Variants in DDX60L observed in about 807,000 individuals in gnomAD.
DDX60L encodes the protein probable ATP-dependent RNA helicase DDX60-like.
In DDX60L, 191 loss-of-function variants were observed where a neutral mutation model predicts 211.6. The ratio of observed to expected loss-of-function variants is 0.90; its 90% CI spans 0.80 to 1.02. DDX60L has a LOEUF of 1.02. Ranked by LOEUF, DDX60L falls within the 50% of genes least tolerant of loss-of-function variation. The probability of loss-of-function intolerance (pLI) is 0.00; values close to 1 mark genes in which losing one functional copy is unlikely to be tolerated. For synonymous variants in DDX60L, 706 were observed against 694.1 expected (o/e 1.02, Z -0.27); for missense variants, 2,007 against 1,984.1 (o/e 1.01, Z -0.22).
At position 168,404,048 on chromosome 4, in the gene DDX60L, A is replaced by G; in HGVS notation, c.3272T>C (p.Val1091Ala). 1 of 1,474,018 alleles carries G rather than the reference A, an allele frequency of 6.8e-7. No individual in the cohort carries two copies. The highest frequency in any genetic ancestry group is 9.1e-7 in the Non-Finnish European group (1 of 1,100,872). The allele number at this position is 1,474,018 out of a possible 1,614,324, so 91.3% of individuals were successfully genotyped here. ...PDSLSSSKDM[V>A]KMFPLLVEKL... ...TTCAACAAGAAGAGGAAACATTTTC[A>G]CCATATCTTTTGAACTAGACAATGA... is the stretch of plus-strand genomic sequence containing the variant. The change falls in exon 25 of 38, where the codon GTG becomes GCG. Residue 1091 changes from valine to alanine, a missense_variant. Transcript: ENST00000682922.
At chr4:168,467,939 GGCAGATCACCTGAGGTCCA>G (rs1164542440) in intron 4 of DDX60L, among the ~76,000 whole-genome samples, 1 of 152,190 alleles carries the variant, frequency 6.6e-6, no homozygotes, top group Admixed American at 6.5e-5. Flanking sequence ...GGCTGAAGCA[GGCAGATCACCTGAGGTCCA>G]GAGTTCAAGA....
In DDX60L at chr4:168,419,359, C is replaced by G. The variant is rs1173952098; in HGVS notation, c.2553G>C (p.Leu851Phe). The change falls in exon 19 of 38, where the codon TTG (leucine) becomes TTC (phenylalanine). Residue 851 changes from leucine to phenylalanine, a missense_variant. Leu to Phe is a conservative substitution (Grantham distance 22). Coordinates refer to ENST00000682922, the MANE Select transcript of DDX60L (RefSeq NM_001012967.3). ...ITVPECFEIL[L>F]LAPHRQKWVE... ...CCCATTTTTGGCGATGAGGAGCAAG[C>G]AACAGGATTTCAAAACATTCCGGCA... 2 of 1,597,880 alleles carry G rather than the reference C, an allele frequency of 1.3e-6. No individual in the cohort carries two copies. The highest frequency in any genetic ancestry group is 1.7e-5 in the Admixed American group (1 of 58,110).
intron 5 of DDX60L, among the ~76,000 whole-genome samples, chr4:168,458,649 G>A (rs1184862616): frequency 1.3e-5 from 2 of 152,144 alleles, no homozygotes; most frequent in East Asian, 1.9e-4. Flanking sequence ...ACTAGGGCCT[G>A]TTGGGGGAAC....
In DDX60L at chr4:168,379,847, CTTTAA is replaced by C. The variant is rs770283770; in HGVS notation, c.4117-22_4117-18del. On this transcript the variant is annotated intron_variant, in intron 30 of 37. Transcript: ENST00000682922. The stretch of plus-strand genomic sequence containing the variant: ...TGACAACACCTATAAAAGAAGAGTA[CTTTAA>C]TTTATCTAGTTTTAAACAGTATTTG... 1.4e-5 allele frequency: 21 copies of C among 1,554,988 alleles called. No homozygotes were observed. In the East Asian group the frequency reaches 2.2e-4, roughly 17 times the overall value.
At chr4:168,415,119 G>A (rs1190679395) in intron 22 of DDX60L, among the ~76,000 whole-genome samples, 1 of 151,828 alleles carries the variant, frequency 6.6e-6, no homozygotes, top group East Asian at 1.9e-4. Flanking sequence ...AAGGATAAAT[G>A]CTTGAGGTAG....
intron 4 of DDX60L, among the ~76,000 whole-genome samples, chr4:168,465,459 T>C (rs898172305): frequency 1.3e-5 from 2 of 152,178 alleles, no homozygotes; most frequent in Non-Finnish European, 1.5e-5. Flanking sequence ...CTTTACTCTG[T>C]TGATTATTTC....
intron 4 of DDX60L, among the ~76,000 whole-genome samples, chr4:168,464,329 C>T (rs1757689840): frequency 6.6e-6 from 1 of 151,734 alleles, no homozygotes; most frequent in Non-Finnish European, 1.5e-5. Context: ...TTTTCTTCAA[C>T]CACAATGGAA....
intron 35 of DDX60L, among the ~76,000 whole-genome samples, chr4:168,372,588 A>G (rs1741213577): frequency 6.6e-6 from 1 of 152,030 alleles, no homozygotes; most frequent in South Asian, 2.1e-4. Context: ...TTAGCTGGGC[A>G]TGCTGGCACG....
In DDX60L at chr4:168,457,900, T is replaced by C. The variant is rs1453851879; in HGVS notation, c.715A>G (p.Met239Val). The change falls in exon 6 of 38, where the codon ATG becomes GTG. Residue 239 changes from methionine to valine, a missense_variant. Met to Val is a conservative substitution (Grantham distance 21). Transcript: ENST00000682922. The stretch of plus-strand genomic sequence containing the variant: ...AATAAAAATTTTAATACCTCTTCCA[T>C]CATATCATTCCATTTCAAATGTTCA... The part of the protein sequence containing the change: ...HFEHLKWNDM[M>V]EEAYQTLFLL... 9.8e-6 allele frequency: 15 copies of C among 1,524,134 alleles called. No homozygotes were observed. Among genetic ancestry groups the C allele is most frequent in the Non-Finnish European group, 1.3e-5 (15 of 1,131,248 alleles). The allele number at this position is 1,524,134 out of a possible 1,614,324, so 94.4% of individuals were successfully genotyped here. A position where few individuals can be genotyped will look rare whatever the true frequency, so the allele number is the denominator to read the frequency against.
intron 9 of DDX60L, among the ~76,000 whole-genome samples, chr4:168,445,983 C>T: frequency 7.2e-6 from 1 of 139,446 alleles, no homozygotes. Context: ...ACAGGGATGC[C>T]CTCTCTCACC....
chr4:168,365,339 T>C (rs1472950595), intron 36 of DDX60L, among the ~76,000 whole-genome samples: 4 of 151,898 alleles, frequency 2.6e-5, no homozygotes, highest in Non-Finnish European at 2.9e-5. Context: ...AAAGGAGACA[T>C]TACAACAGTT....
At chr4:168,383,143 C>A (rs888365476) in intron 30 of DDX60L, among the ~76,000 whole-genome samples, 1 of 152,154 alleles carries the variant, frequency 6.6e-6, no homozygotes, top group African/African-American at 2.4e-5. Flanking sequence ...TACTATATTG[C>A]TTTTCACACA....
At chr4:168,420,230 G>C in intron 18 of DDX60L, 31 bp downstream of exon 18, 2 of 1,498,308 alleles carry the variant, frequency 1.3e-6, no homozygotes, top group Non-Finnish European at 1.8e-6. Flanking sequence ...TCTATAATTT[G>C]ATAATAAACT....
In DDX60L at chr4:168,427,184, T is replaced by C; in HGVS notation, c.1816A>G (p.Arg606Gly). The C allele has an allele frequency of 1.2e-6, 2 of 1,612,610 alleles. No individual in the cohort carries two copies. Among genetic ancestry groups the C allele is most frequent in the South Asian group, 2.2e-5 (2 of 90,916 alleles). ...GATGTCAAATAATCTTCCAATTTCC[T>C]TATTCCAGAATGTAAATTGTTCTTC... is the stretch of plus-strand genomic sequence containing the variant. The part of the protein sequence containing the change: ...EMKNNLHSGI[R>G]KLEDYLTSCA... The change falls in exon 14 of 38, where the codon AGG becomes GGG. Residue 606 changes from arginine (R) to glycine (G), a missense_variant. Coordinates refer to ENST00000682922, the MANE Select transcript of DDX60L (RefSeq NM_001012967.3).
In DDX60L at chr4:168,435,165, C is replaced by A. The variant is rs2149964011; in HGVS notation, c.1295-2050G>T. Among the ~76,000 whole-genome samples, 3 of 152,290 alleles carry A rather than the reference C, an allele frequency of 2.0e-5. No homozygotes were observed. In the South Asian group the frequency reaches 6.2e-4, roughly 32 times the overall value. On this transcript the variant is annotated intron_variant, in intron 10 of 37. Transcript: ENST00000682922. ...TGATGAAGTTTTCTCTCAAGTTCATCTCACAGTGGGTCCCTGAATCTTCTG... is the reference window on the plus strand; with the variant it reads ...TGATGAAGTTTTCTCTCAAGTTCATATCACAGTGGGTCCCTGAATCTTCTG...
chr4:168,378,341 T>C lies in DDX60L; in HGVS notation c.4485+13A>G, dbSNP rs1025675275. 3.0e-5 allele frequency: 40 copies of C among 1,330,380 alleles called. No homozygotes were observed. The highest frequency in any genetic ancestry group is 3.7e-5 in the Non-Finnish European group (35 of 951,452). 82.4% of individuals were successfully genotyped at this position (1,330,380 alleles called of 1,614,324 possible). A position where few individuals can be genotyped will look rare whatever the true frequency, so the allele number is the denominator to read the frequency against. Reference sequence around the variant, plus strand: ...TATCATTATTATATCATTGTAAGTATAACAAACTTTACCTTTGACTGAGAA... The same window carrying C: ...TATCATTATTATATCATTGTAAGTACAACAAACTTTACCTTTGACTGAGAA... On this transcript the variant is annotated intron_variant, in intron 33 of 37. Coordinates refer to ENST00000682922, the MANE Select transcript of DDX60L (RefSeq NM_001012967.3).
intron 13 of DDX60L, among the ~76,000 whole-genome samples, chr4:168,429,829 A>G (rs1370844314): frequency 1.3e-5 from 2 of 152,194 alleles, no homozygotes; most frequent in Non-Finnish European, 2.9e-5. Context: ...AAAAGTATGT[A>G]GCACCTCCCC....
At chr4:168,407,243 C>T (rs916356635) in intron 22 of DDX60L, among the ~76,000 whole-genome samples, 3 of 152,156 alleles carry the variant, frequency 2.0e-5, no homozygotes, top group African/African-American at 7.2e-5. Flanking sequence ...CTCAGACAAC[C>T]TTCAGATACT....
chr4:168,378,066 G>A (rs1434869877), intron 33 of DDX60L, among the ~76,000 whole-genome samples: 2 of 152,150 alleles, frequency 1.3e-5, no homozygotes, highest in African/African-American at 2.4e-5. Context: ...CAGTAGGGCT[G>A]TCATTCTATT....
Sources: allele counts gnomAD v4.1 joint callset (sites outside exome capture counted in the v4.1 genomes callset), GRCh38; gene constraint gnomAD v4.1.1; transcripts MANE v1.5; gene names NCBI Gene and HGNC (gene_info 2026-07-23, HGNC 2026-07-21).